ZNF672: variants seen among roughly 807,000 people sequenced by gnomAD.
ZNF672 encodes the protein hypothetical protein FLJ22301.
For synonymous variants in ZNF672, 358 were observed against 305.6 expected (o/e 1.17, Z -1.79); for missense variants, 733 against 701.1 (o/e 1.05, Z -0.51).
chr1:248,842,228 G>A (rs1360113978), intron 1 of ZNF672, among the ~76,000 whole-genome samples: 1 of 152,134 alleles, frequency 6.6e-6, no homozygotes, highest in Non-Finnish European at 1.5e-5. Context: ...GCTCCTTCCA[G>A]CTTCAGATTC....
rs1659256099 is a variant in ZNF672 at position 248,848,528 on chromosome 1, G to A, written c.1254G>A (p.Thr418=). ...TGTCACAGCATCAGCGGGCCCACAC[G>A]CGCGCCCGCACCGCTGCCGCCGTTG... ...RSLSQHQRAH[T]RARTAAAVAI... Residue 418 remains threonine, a synonymous_variant, in exon 4 of 4, where the codon ACG becomes ACA. Coordinates refer to ENST00000306562, the MANE Select transcript of ZNF672 (RefSeq NM_024836.3). 12 of 1,598,938 alleles carry A rather than the reference G, an allele frequency of 7.5e-6. No homozygotes were observed. The highest frequency in any genetic ancestry group is 1.3e-5 in the African/African-American group (1 of 74,594).
intron 1 of ZNF672, among the ~76,000 whole-genome samples, chr1:248,841,873 A>T (rs1210952745): frequency 6.6e-6 from 1 of 151,802 alleles, no homozygotes; most frequent in African/African-American, 2.4e-5. Flanking sequence ...AGCCGAGATC[A>T]CACTGAGATG....
rs763806357 is a variant in ZNF672, at chr1:248,847,822, G to A, written c.548G>A (p.Arg183His). The A allele has an allele frequency of 1.9e-6, 3 of 1,561,054 alleles. No homozygotes were observed. The highest frequency in any genetic ancestry group is 2.6e-6 in the Non-Finnish European group (3 of 1,157,870). The stretch of plus-strand genomic sequence containing the variant: ...GGCGCCGGGCTGCGGAGTCACGCGC[G>A]CATCCACGTGTCCCGGAGCCCCACG... The part of the protein sequence containing the change: ...RSGAGLRSHA[R>H]IHVSRSPTRP... The change falls in exon 4 of 4, where the codon CGC (arginine) becomes CAC (histidine). Residue 183 changes from arginine (R) to histidine (H), a missense_variant. Coordinates refer to ENST00000306562, the MANE Select transcript of ZNF672 (RefSeq NM_024836.3).
chr1:248,842,501 A>G (rs1246182474), intron 1 of ZNF672, among the ~76,000 whole-genome samples: 7 of 152,070 alleles, frequency 4.6e-5, no homozygotes, highest in African/African-American at 1.4e-4. Flanking sequence ...ATCAGGGAGA[A>G]TAAAGCTGAG....
Position 248,848,465 on chromosome 1 carries a change from C to T in ZNF672, c.1191C>T (p.Cys397=), listed in dbSNP as rs750359675. ...ACCTGGGCGAACGGCCAGCGGAGTG[C>T]GCAGAGTGCGGCAAGTGCTTCAGCC... ...KTHLGERPAE[C]AECGKCFSHS... is the part of the protein sequence containing the mutation. The change falls in exon 4 of 4, where the codon TGC becomes TGT. Residue 397 remains cysteine (C), a synonymous_variant. Coordinates refer to ENST00000306562, the MANE Select transcript of ZNF672 (RefSeq NM_024836.3). 6 of 1,606,666 alleles carry T rather than the reference C, an allele frequency of 3.7e-6. No individual in the cohort carries two copies. Among genetic ancestry groups the T allele is most frequent in the Middle Eastern group, 1.7e-4 (1 of 6,054 alleles).
Position 248,848,137 on chromosome 1 carries a change from G to GC in ZNF672, c.864dup (p.Gly289ArgfsTer151). On this transcript the variant is annotated frameshift_variant, in exon 4 of 4. Coordinates refer to ENST00000306562, the MANE Select transcript of ZNF672 (RefSeq NM_024836.3). LOFTEE classifies it low-confidence loss of function (END_TRUNC). Reference sequence around the variant, plus strand: ...GAGCGGCCACATGCGTGCGCCACTTGCGGCAAGGGTTTCGGGCAGCGCTCC... The same window carrying GC: ...GAGCGGCCACATGCGTGCGCCACTTGCCGGCAAGGGTTTCGGGCAGCGCTCC... 1.8e-5 allele frequency: 29 copies of GC among 1,575,542 alleles called. No individual in the cohort carries two copies. Among genetic ancestry groups the GC allele is most frequent in the Non-Finnish European group, 2.5e-5 (29 of 1,165,224 alleles).
At chr1:248,845,283 T>C (rs1664738526) in intron 2 of ZNF672, among the ~76,000 whole-genome samples, 1 of 152,122 alleles carries the variant, frequency 6.6e-6, no homozygotes, top group Admixed American at 6.6e-5. Context: ...GAGCTCCTGC[T>C]TGCATTTTTT....
rs1233957610 is a variant in ZNF672 at position 248,838,453 on chromosome 1, T to A, written c.-573T>A. The A allele has an allele frequency of 6.6e-6, 1 of 151,980 alleles. No homozygotes were observed. Among genetic ancestry groups the A allele is most frequent in the Non-Finnish European group, 1.5e-5 (1 of 67,986 alleles). The allele number at this position is 151,980 out of a possible 1,614,324, so 9.4% of individuals were successfully genotyped here. A position where few individuals can be genotyped will look rare whatever the true frequency, so the allele number is the denominator to read the frequency against. Reference sequence around the variant, plus strand: ...GGAGGCCGCGCGCGCCGTTAGCCCCTTCCTCGCTCCCCCGCCCCAGTCCCG... The same window carrying A: ...GGAGGCCGCGCGCGCCGTTAGCCCCATCCTCGCTCCCCCGCCCCAGTCCCG... On this transcript the variant is annotated 5_prime_UTR_variant, in exon 1 of 4. Coordinates refer to ENST00000306562, the MANE Select transcript of ZNF672 (RefSeq NM_024836.3).
intron 1 of ZNF672, among the ~76,000 whole-genome samples, chr1:248,844,111 T>G (rs1341473134): frequency 2.0e-5 from 3 of 147,270 alleles, no homozygotes; most frequent in Non-Finnish European, 4.4e-5. Context: ...TTCTTTTCAA[T>G]TATTATTAAG....
Position 248,847,255 on chromosome 1 carries a change from C to G in ZNF672, c.-20C>G, listed in dbSNP as rs11555324. The G allele has an allele frequency of 4.4e-6, 7 of 1,589,988 alleles. No individual in the cohort carries two copies. Among genetic ancestry groups the G allele is most frequent in the Non-Finnish European group, 6.0e-6 (7 of 1,160,302 alleles). ...CCCCAGAGTGTGAGTGGCACGCTTCCCTGTGAACCCGTCCTCACCATGTTT... is the reference window on the plus strand; with the variant it reads ...CCCCAGAGTGTGAGTGGCACGCTTCGCTGTGAACCCGTCCTCACCATGTTT... On this transcript the variant is annotated 5_prime_UTR_variant, in exon 4 of 4. Transcript: ENST00000306562.
chr1:248,844,648 T>C lies in ZNF672; in HGVS notation c.-321+12T>C, dbSNP rs1664728805. ...AATGGAAGGAAATGGTATTGTTGTTTATATGCCGTTTAAGTCTACACGTTG... is the reference window on the plus strand; with the variant it reads ...AATGGAAGGAAATGGTATTGTTGTTCATATGCCGTTTAAGTCTACACGTTG... On this transcript the variant is annotated intron_variant, in intron 2 of 3. Transcript: ENST00000306562. 1.3e-5 allele frequency: 2 copies of C among 152,256 alleles called. No individual in the cohort carries two copies. The highest frequency in any genetic ancestry group is 4.8e-5 in the African/African-American group (2 of 41,466). The allele number at this position is 152,256 out of a possible 1,614,324, so 9.4% of individuals were successfully genotyped here. A position where few individuals can be genotyped will look rare whatever the true frequency, so the allele number is the denominator to read the frequency against.
Position 248,848,866 on chromosome 1 carries a change from A to G in ZNF672, c.*233A>G. ...CTCGTATAACTCGGATTCTCTCCTC[A>G]GGTGTAGGTGCAGGGAGTCAGGGAA... On this transcript the variant is annotated 3_prime_UTR_variant, in exon 4 of 4. Transcript: ENST00000306562. 1 of 736,030 alleles carries G rather than the reference A, an allele frequency of 1.4e-6. No individual in the cohort carries two copies. Among genetic ancestry groups the G allele is most frequent in the African/African-American group, 1.7e-5 (1 of 57,556 alleles). 45.6% of individuals were successfully genotyped at this position (736,030 alleles called of 1,614,324 possible).
intron 1 of ZNF672, among the ~76,000 whole-genome samples, chr1:248,840,058 C>T (rs1388775937): frequency 1.3e-5 from 2 of 148,304 alleles, no homozygotes; most frequent in Non-Finnish European, 3.0e-5. Context: ...AATATTTTGA[C>T]CTTTCCATAT....
chr1:248,843,041 T>C (rs991186675), intron 1 of ZNF672, among the ~76,000 whole-genome samples: 1 of 152,116 alleles, frequency 6.6e-6, no homozygotes, highest in Non-Finnish European at 1.5e-5. Context: ...TCCCTGCTGC[T>C]CACTGAGCTG....
intron 3 of ZNF672, 145 bp from the exon 4 acceptor site, chr1:248,846,907 G>A (rs1664769377): frequency 1.9e-5 from 4 of 210,772 alleles, no homozygotes; most frequent in Non-Finnish European, 3.8e-5. Flanking sequence ...CCTATTTCCG[G>A]GATGCCCATG....
intron 1 of ZNF672, among the ~76,000 whole-genome samples, chr1:248,844,272 C>G (rs1343164042): frequency 1.3e-5 from 2 of 152,048 alleles, no homozygotes; most frequent in African/African-American, 4.8e-5. Flanking sequence ...TTGAAAGGTA[C>G]TTATATACTT....
chr1:248,839,845 C>G (rs1166570865), intron 1 of ZNF672, among the ~76,000 whole-genome samples: 1 of 137,090 alleles, frequency 7.3e-6, no homozygotes, highest in Admixed American at 7.9e-5. Flanking sequence ...CTCAAGTGAT[C>G]CTCCCACCTC....
chr1:248,849,344 T>C lies in ZNF672; in HGVS notation c.*711T>C, dbSNP rs922610067. The C allele has an allele frequency of 1.7e-5, 6 of 359,118 alleles. No individual in the cohort carries two copies. Among genetic ancestry groups the C allele is most frequent in the Non-Finnish European group, 2.3e-5 (4 of 175,530 alleles). The allele number at this position is 359,118 out of a possible 1,614,324, so 22.2% of individuals were successfully genotyped here. A position where few individuals can be genotyped will look rare whatever the true frequency, so the allele number is the denominator to read the frequency against. ...CCAGCCAGGTGAGGACCATTTTCACTGGGACCCAGGCCAAAACCATGTGGG... is the reference window on the plus strand; with the variant it reads ...CCAGCCAGGTGAGGACCATTTTCACCGGGACCCAGGCCAAAACCATGTGGG... On this transcript the variant is annotated 3_prime_UTR_variant, in exon 4 of 4. Coordinates refer to ENST00000306562, the MANE Select transcript of ZNF672 (RefSeq NM_024836.3).
intron 1 of ZNF672, among the ~76,000 whole-genome samples, chr1:248,841,918 G>T (rs912987137): frequency 2.0e-5 from 3 of 152,144 alleles, no homozygotes; most frequent in Non-Finnish European, 4.4e-5. Flanking sequence ...GACAGAGTGA[G>T]ACTCTGCCTC....
Sources: gnomAD v4.1 joint callset for allele counts (sites outside exome capture counted in the v4.1 genomes callset) on GRCh38, gnomAD v4.1.1 for gene constraint, MANE v1.5 for transcripts, NCBI Gene and HGNC (gene_info 2026-07-23, HGNC 2026-07-21) for gene names.